BRWD3: variants seen among roughly 807,000 people sequenced by gnomAD.
BRWD3 encodes bromodomain and WD repeat-containing protein 3.
A neutral mutation model predicts 149.7 loss-of-function variants in BRWD3; 10 were observed. The observed-to-expected ratio is 0.07, with a 90% CI of 0.04 to 0.11. The LOEUF is 0.11. Ranked by LOEUF, BRWD3 falls within the 10% of genes least tolerant of loss-of-function variation. BRWD3 has a pLI of 1.00. For missense variants in BRWD3, 940 were observed against 1,373.2 expected (o/e 0.68, Z 4.99); for synonymous variants, 504 against 456.7 (o/e 1.10, Z -1.32).
At chrX:80,767,211 G>A (rs1296489354) in intron 6 of BRWD3, among the ~76,000 whole-genome samples, 3 of 112,244 alleles carry the variant, frequency 2.7e-5, no homozygotes, top group Non-Finnish European at 3.8e-5. Context: ...CTCCCAGCAC[G>A]GCGTTTGAGC....
At chrX:80,699,012 G>A (rs1325089019) in intron 25 of BRWD3, among the ~76,000 whole-genome samples, 1 of 110,222 alleles carries the variant, frequency 9.1e-6, no homozygotes, top group Non-Finnish European at 1.9e-5. Context: ...TCAGGACTTC[G>A]AGACTAGCCT....
At chrX:80,796,269 T>TAG (rs1198869651) in intron 4 of BRWD3, among the ~76,000 whole-genome samples, 8 of 110,270 alleles carry the variant, frequency 7.3e-5, no homozygotes, top group Non-Finnish European at 1.3e-4. Flanking sequence ...TAGCTGGGAT[T>TAG]AGAGGCACAA....
intron 6 of BRWD3, among the ~76,000 whole-genome samples, chrX:80,785,933 C>G (rs12689069): frequency 0.085 from 9,456 of 111,475 alleles, 373 homozygotes; most frequent in South Asian, 0.19. Context: ...GGGAGGTTGA[C>G]GCAGGAGAAT....
chrX:80,669,685 C>T lies in BRWD3; in HGVS notation c.*6924G>A, dbSNP rs766934390. Reference sequence around the variant, plus strand: ...GACTTAAATTACTTAACAGACTATACAAAATTGCCAATACAAATTAACATG... The same window carrying T: ...GACTTAAATTACTTAACAGACTATATAAAATTGCCAATACAAATTAACATG... On this transcript the variant is annotated 3_prime_UTR_variant, in exon 41 of 41. Transcript: ENST00000373275. 1.2e-4 allele frequency among the ~76,000 whole-genome samples: 13 copies of T among 111,265 alleles called. No individual in the cohort carries two copies. The highest frequency in any genetic ancestry group is 2.6e-4 in the African/African-American group (8 of 30,684).
intron 6 of BRWD3, among the ~76,000 whole-genome samples, chrX:80,760,316 T>C (rs2073789609): frequency 8.9e-6 from 1 of 111,808 alleles, no homozygotes. Flanking sequence ...ACATCAATTA[T>C]AAGTGCTAAT....
chrX:80,747,349 C>T (rs1385562539), intron 6 of BRWD3, among the ~76,000 whole-genome samples: 1 of 109,434 alleles, frequency 9.1e-6, no homozygotes, highest in Non-Finnish European at 1.9e-5. Context: ...TTTGCAGCAT[C>T]CCTCACCTGT....
At chrX:80,727,453 G>C (rs1230270239) in intron 14 of BRWD3, among the ~76,000 whole-genome samples, 1 of 110,437 alleles carries the variant, frequency 9.1e-6, no homozygotes, top group South Asian at 3.8e-4. Flanking sequence ...AGCTAAATTG[G>C]CTTTCTTTCA....
intron 37 of BRWD3, among the ~76,000 whole-genome samples, chrX:80,683,662 TTG>T (rs2072485296): frequency 8.9e-6 from 1 of 111,782 alleles, no homozygotes. Flanking sequence ...GGTTCATTAT[TTG>T]TTAGAATAAA....
intron 6 of BRWD3, among the ~76,000 whole-genome samples, chrX:80,763,050 CTATGA>C (rs1807938882): frequency 1.8e-5 from 2 of 111,264 alleles, no homozygotes; most frequent in Middle Eastern, 4.6e-3. Context: ...TGCCCAGAGT[CTATGA>C]TATATTTTTT....
chrX:80,779,513 A>G (rs2147838901), intron 6 of BRWD3, among the ~76,000 whole-genome samples: 1 of 110,565 alleles, frequency 9.0e-6, no homozygotes, highest in South Asian at 3.8e-4. Context: ...GCTTGAGGTC[A>G]GAAGTTCAAG....
At chrX:80,722,220 G>A (rs181314295) in intron 17 of BRWD3, among the ~76,000 whole-genome samples, 99 of 111,756 alleles carry the variant, frequency 8.9e-4, no homozygotes, top group African/African-American at 3.0e-3. Context: ...ATACCAATAC[G>A]ATAAGCAGTG....
intron 14 of BRWD3, among the ~76,000 whole-genome samples, chrX:80,726,087 A>G (rs1006252463): frequency 2.9e-4 from 31 of 106,738 alleles, no homozygotes; most frequent in African/African-American, 1.0e-3. Flanking sequence ...TGTCTGTATA[A>G]CAACATGTTT....
rs762108287 is a variant in BRWD3 at position 80,673,147 on chromosome X, A to T, written c.*3462T>A. The T allele has an allele frequency of 1.8e-5, 2 of 112,220 alleles. No individual in the cohort carries two copies. Among genetic ancestry groups the T allele is most frequent in the Admixed American group, 1.9e-4 (2 of 10,556 alleles). 9.2% of individuals were successfully genotyped at this position (112,220 alleles called of 1,213,427 possible). The stretch of plus-strand genomic sequence containing the variant: ...CGTACTTAAAAGTATTAGAAGGCTG[A>T]GTTAAATATCTGAGCGCACAGTTGT... On this transcript the variant is annotated 3_prime_UTR_variant, in exon 41 of 41. Coordinates refer to ENST00000373275, the MANE Select transcript of BRWD3 (RefSeq NM_153252.5).
At chrX:80,702,472 A>G (rs1462649160) in intron 24 of BRWD3, among the ~76,000 whole-genome samples, 1 of 112,431 alleles carries the variant, frequency 8.9e-6, no homozygotes, top group African/African-American at 3.2e-5. Flanking sequence ...AAAACAGGCA[A>G]CAACTACAAG....
At chrX:80,750,895 C>T (rs1292723811) in intron 6 of BRWD3, among the ~76,000 whole-genome samples, 3 of 105,181 alleles carry the variant, frequency 2.9e-5, no homozygotes, top group African/African-American at 1.0e-4. Flanking sequence ...CACACACACG[C>T]AAAAATCATT....
At chrX:80,760,572 T>C (rs2073792198) in intron 6 of BRWD3, among the ~76,000 whole-genome samples, 1 of 111,920 alleles carries the variant, frequency 8.9e-6, no homozygotes, top group African/African-American at 3.2e-5. Context: ...ACTGGAATAT[T>C]ATTCACATAT....
At chrX:80,708,131 C>A (rs1208223029) in intron 21 of BRWD3, among the ~76,000 whole-genome samples, 1 of 112,192 alleles carries the variant, frequency 8.9e-6, no homozygotes, top group Non-Finnish European at 1.9e-5. Context: ...TGCAGTGGCT[C>A]AACCCTGTAA....
chrX:80,729,528 A>C, intron 13 of BRWD3, among the ~76,000 whole-genome samples: 1 of 111,875 alleles, frequency 8.9e-6, no homozygotes, highest in Non-Finnish European at 1.9e-5. Flanking sequence ...GAAAAATATT[A>C]TAAAAGTGTC....
rs200981902 is a variant in BRWD3 at position 80,753,272 on chromosome X, G to GT, written c.431-7544dup. Among the ~76,000 whole-genome samples, 318 of 90,480 alleles carry GT rather than the reference G, an allele frequency of 3.5e-3. 1 individual carries two copies. Among genetic ancestry groups the GT allele is most frequent in the East Asian group, 6.0e-3 (17 of 2,852 alleles). 78.6% of individuals were successfully genotyped at this position (90,480 alleles called of 115,157 possible). A position where few individuals can be genotyped will look rare whatever the true frequency, so the allele number is the denominator to read the frequency against. On this transcript the variant is annotated intron_variant, in intron 6 of 40. Transcript: ENST00000373275. ...TTGTTATTGTTGCCTGTGCTTTTCA[G>GT]TTTTTTTTTTTTTTTTTAGATGGAG...
Sources: gnomAD v4.1 joint callset for allele counts (sites outside exome capture counted in the v4.1 genomes callset) on GRCh38, gnomAD v4.1.1 for gene constraint, MANE v1.5 for transcripts, NCBI Gene and HGNC (gene_info 2026-07-23, HGNC 2026-07-21) for gene names.